The following PCSK5 variants were observed in gnomAD, a reference collection of about 807,000 sequenced individuals.
PCSK5 encodes prohormone convertase 5.
A neutral mutation model predicts 233.2 loss-of-function variants in PCSK5; 129 were observed. The observed-to-expected ratio is 0.55, with a 90% CI of 0.48 to 0.64. The LOEUF (loss-of-function observed/expected upper bound fraction) is 0.64, where lower values mean the gene tolerates loss of function less well. PCSK5 is among the 30% of genes least tolerant of loss of function. The pLI is 0.00. For synonymous variants in PCSK5, 825 were observed against 879.2 expected (o/e 0.94, Z 1.09); for missense variants, 2,076 against 2,430.1 (o/e 0.85, Z 3.06).
At chr9:76,169,665 T>A (rs755245101) in intron 12 of PCSK5, 39 bp from the exon 13 acceptor site, 186 of 1,605,454 alleles carry the variant, frequency 1.2e-4, no homozygotes, top group Non-Finnish European at 1.5e-4. Context: ...CTCATTGGAT[T>A]TGAAATATCG....
chr9:76,211,573 C>T (rs528358958), intron 20 of PCSK5, among the ~76,000 whole-genome samples: 1 of 152,302 alleles, frequency 6.6e-6, no homozygotes, highest in Non-Finnish European at 1.5e-5. Flanking sequence ...TAAGTCTGGG[C>T]ATGGTGGCTC....
chr9:75,965,259 A>T (rs1330070757), intron 2 of PCSK5, among the ~76,000 whole-genome samples: 1 of 79,772 alleles, frequency 1.3e-5, no homozygotes, highest in Non-Finnish European at 2.7e-5. Flanking sequence ...GTATGTGTGT[A>T]TATGTGTGTG....
intron 9 of PCSK5, among the ~76,000 whole-genome samples, chr9:76,123,131 A>G (rs1832712976): frequency 6.6e-6 from 1 of 152,170 alleles, no homozygotes; most frequent in Non-Finnish European, 1.5e-5. Flanking sequence ...GACGTGAGCC[A>G]CTGCGCCCGG....
At chr9:75,985,230 T>C (rs1826457420) in intron 2 of PCSK5, among the ~76,000 whole-genome samples, 1 of 152,194 alleles carries the variant, frequency 6.6e-6, no homozygotes, top group African/African-American at 2.4e-5. Flanking sequence ...GGATAATCTG[T>C]TTTAAAGAAA....
At chr9:76,097,287 C>G (rs1246905627) in intron 8 of PCSK5, among the ~76,000 whole-genome samples, 2 of 118,610 alleles carry the variant, frequency 1.7e-5, no homozygotes, top group Non-Finnish European at 3.2e-5. Context: ...GAGTCTCGCT[C>G]TGTCGCCCAG....
chr9:76,181,176 AAGTCC>A (rs1823854550), intron 15 of PCSK5, among the ~76,000 whole-genome samples: 1 of 152,238 alleles, frequency 6.6e-6, no homozygotes, highest in Admixed American at 6.5e-5. Flanking sequence ...ATGGTTTGAC[AAGTCC>A]TTGGTAGATT....
intron 30 of PCSK5, among the ~76,000 whole-genome samples, chr9:76,317,842 A>T (rs1829075399): frequency 6.6e-6 from 1 of 152,154 alleles, no homozygotes; most frequent in Non-Finnish European, 1.5e-5. Context: ...AAAATAGAGG[A>T]ATGTGAAGGC....
chr9:75,892,521 C>A (rs1456101127), intron 1 of PCSK5, among the ~76,000 whole-genome samples: 1 of 152,226 alleles, frequency 6.6e-6, no homozygotes, highest in African/African-American at 2.4e-5. Context: ...CCAGCAGGCG[C>A]GCTTTGGGGA....
intron 5 of PCSK5, among the ~76,000 whole-genome samples, chr9:76,040,377 C>CTCG (rs1829058028): frequency 1.7e-5 from 1 of 59,798 alleles, no homozygotes; most frequent in Non-Finnish European, 3.0e-5. Context: ...CTCTCTCTCT[C>CTCG]TCTCTCTGTC....
At chr9:75,894,129 G>A (rs112346027) in intron 1 of PCSK5, among the ~76,000 whole-genome samples, 16 of 152,220 alleles carry the variant, frequency 1.1e-4, no homozygotes, top group Non-Finnish European at 1.9e-4. Context: ...CTCATCTTAC[G>A]TGTTGCAAAT....
intron 37 of PCSK5, among the ~76,000 whole-genome samples, chr9:76,355,651 G>C (rs1830282136): frequency 6.6e-6 from 1 of 151,986 alleles, no homozygotes; most frequent in Non-Finnish European, 1.5e-5. Flanking sequence ...ACTGCTACCA[G>C]CCATTTCTTT....
intron 12 of PCSK5, among the ~76,000 whole-genome samples, chr9:76,167,395 T>C (rs986090375): frequency 6.6e-6 from 1 of 152,364 alleles, no homozygotes; most frequent in Non-Finnish European, 1.5e-5. Flanking sequence ...CTGTGTTTGA[T>C]TCAGCCTTTC....
intron 30 of PCSK5, among the ~76,000 whole-genome samples, chr9:76,311,125 C>G (rs928361059): frequency 3.9e-5 from 6 of 152,128 alleles, no homozygotes; most frequent in African/African-American, 1.4e-4. Flanking sequence ...CCTGTAATCC[C>G]AGCACTTCGG....
chr9:76,073,232 T>C (rs1487734646), intron 7 of PCSK5, among the ~76,000 whole-genome samples: 2 of 152,236 alleles, frequency 1.3e-5, no homozygotes, highest in Non-Finnish European at 2.9e-5. Flanking sequence ...GCCCACATCT[T>C]CGTGGGATTT....
chr9:76,311,846 T>C (rs1828873372), intron 30 of PCSK5, among the ~76,000 whole-genome samples: 1 of 152,200 alleles, frequency 6.6e-6, no homozygotes, highest in Admixed American at 6.5e-5. Flanking sequence ...TGAGCCCACA[T>C]TACGTGTCTC....
intron 3 of PCSK5, among the ~76,000 whole-genome samples, chr9:76,023,371 C>A (rs1828283293): frequency 6.6e-6 from 1 of 152,096 alleles, no homozygotes; most frequent in African/African-American, 2.4e-5. Flanking sequence ...AATGCATTAT[C>A]TTAAGAAGTA....
Position 76,325,646 on chromosome 9 carries a change from T to A in PCSK5, c.4339+2358T>A, listed in dbSNP as rs527673329. The stretch of plus-strand genomic sequence containing the variant: ...TCCCTACAATGACATTGCACTTTCT[T>A]TTTTTTGAGACGGAGTTTTGCTCTC... On this transcript the variant is annotated intron_variant, in intron 32 of 37. Transcript: ENST00000674117. Among the ~76,000 whole-genome samples, 199 of 151,730 alleles carry A rather than the reference T, an allele frequency of 1.3e-3. 5 individuals carry two copies. Among genetic ancestry groups the A allele is most frequent in the Admixed American group, 0.013 (194 of 15,214 alleles).
intron 10 of PCSK5, 31 bp downstream of exon 10, chr9:76,134,243 C>A: frequency 7.6e-7 from 1 of 1,322,768 alleles, no homozygotes; most frequent in Non-Finnish European, 1.1e-6. Flanking sequence ...CTGTCACAGG[C>A]AAAATATTTT....
At chr9:76,080,802 G>A (rs1053393184) in intron 7 of PCSK5, among the ~76,000 whole-genome samples, 2 of 152,164 alleles carry the variant, frequency 1.3e-5, no homozygotes, top group Admixed American at 6.5e-5. Flanking sequence ...CAGAGCTCCT[G>A]TAACAATGTA....
Sources: gnomAD v4.1 joint callset for allele counts (sites outside exome capture counted in the v4.1 genomes callset) on GRCh38, gnomAD v4.1.1 for gene constraint, MANE v1.5 for transcripts, NCBI Gene and HGNC (gene_info 2026-07-23, HGNC 2026-07-21) for gene names.